The following KCNQ3 variants were observed in gnomAD, a reference collection of about 807,000 sequenced individuals.
KCNQ3 encodes the protein potassium voltage-gated channel subfamily Q member 3.
Under a neutral mutation model 92.5 loss-of-function variants are expected in KCNQ3, and 30 were observed. The observed-to-expected ratio is 0.32, with a 90% confidence interval of 0.24 to 0.44. The LOEUF (loss-of-function observed/expected upper bound fraction) is 0.44. Ranked by LOEUF, KCNQ3 falls within the 20% of genes least tolerant of loss-of-function variation. KCNQ3 has a pLI of 1.00. For synonymous variants in KCNQ3, 450 were observed against 468.8 expected (o/e 0.96, Z 0.52); for missense variants, 913 against 1,140.3 (o/e 0.80, Z 2.87).
rs35942631 is a variant in KCNQ3, at chr8:132,130,074, CTT to C, written c.1885-80_1885-79del. On this transcript the variant is annotated intron_variant, in intron 14 of 14. Transcript: ENST00000388996. ...TTGCTATTGGTTGGGAGGAAATATT[CTT>C]TTTTTTTGTTTTTTTTTTTTTTTTG... 37 of 1,040,354 alleles carry C rather than the reference CTT, an allele frequency of 3.6e-5. 1 individual carries two copies. The highest frequency in any genetic ancestry group is 4.7e-5 in the South Asian group (3 of 64,430). The allele number at this position is 1,040,354 out of a possible 1,614,324, so 64.4% of individuals were successfully genotyped here. A position where few individuals can be genotyped will look rare whatever the true frequency, so the allele number is the denominator to read the frequency against.
chr8:132,150,817 G>T lies in KCNQ3; in HGVS notation c.1263-9486C>A, dbSNP rs1037657533. On this transcript the variant is annotated intron_variant, in intron 9 of 14. Transcript: ENST00000388996. ...GGACTGGGTTTTCTTCTGCCTGTCTGTGTAGTTATATATGTGTTGTGTGTG... is the reference window on the plus strand; with the variant it reads ...GGACTGGGTTTTCTTCTGCCTGTCTTTGTAGTTATATATGTGTTGTGTGTG... Among the ~76,000 whole-genome samples, 5 of 151,988 alleles carry T rather than the reference G, an allele frequency of 3.3e-5. No individual in the cohort carries two copies. In the South Asian group the frequency reaches 8.3e-4, roughly 25 times the overall value.
chr8:132,152,052 C>T (rs1214154939), intron 9 of KCNQ3, among the ~76,000 whole-genome samples: 2 of 152,188 alleles, frequency 1.3e-5, no homozygotes, highest in East Asian at 3.8e-4. Flanking sequence ...ACTCTAACGA[C>T]CCCGGACATT....
intron 12 of KCNQ3, among the ~76,000 whole-genome samples, chr8:132,137,473 C>T (rs910368962): frequency 6.6e-6 from 1 of 152,164 alleles, no homozygotes; most frequent in Admixed American, 6.5e-5. Flanking sequence ...GGCATTGATG[C>T]TATTTCCATA....
intron 9 of KCNQ3, among the ~76,000 whole-genome samples, chr8:132,150,972 CATTAT>C (rs1563774251): frequency 4.6e-5 from 7 of 151,726 alleles, no homozygotes; most frequent in Non-Finnish European, 1.5e-5. Context: ...AAAATAAAAA[CATTAT>C]TGTTGGTTAT....
Position 132,480,334 on chromosome 8 carries a change from G to A in KCNQ3, c.199C>T (p.Leu67=). ...TCGCGGCCGCCGCCCTCCAGCAGCA[G>A]GGTCCCGTCTTTGTCGGCTCCGGCC... The part of the protein sequence containing the change: ...LGAGADKDGT[L]LLEGGGRDEG... The change falls in exon 1 of 15, where the codon CTG becomes TTG. Residue 67 remains leucine (L), a synonymous_variant. Coordinates refer to ENST00000388996, the MANE Select transcript of KCNQ3 (RefSeq NM_004519.4). The A allele has an allele frequency of 6.2e-7, 1 of 1,600,262 alleles. No individual in the cohort carries two copies. The highest frequency in any genetic ancestry group is 8.5e-7 in the Non-Finnish European group (1 of 1,175,514).
chr8:132,231,081 C>A (rs766306588), intron 1 of KCNQ3, among the ~76,000 whole-genome samples: 6 of 152,114 alleles, frequency 3.9e-5, no homozygotes, highest in Admixed American at 6.5e-5. Flanking sequence ...GATGGCCATG[C>A]GACCAGAATG....
intron 8 of KCNQ3, among the ~76,000 whole-genome samples, chr8:132,163,939 T>C (rs1226938780): frequency 1.3e-5 from 2 of 152,184 alleles, no homozygotes; most frequent in Non-Finnish European, 2.9e-5. Context: ...AACAACCCTA[T>C]GAAGTACTAT....
At chr8:132,362,600 G>A (rs1819202307) in intron 1 of KCNQ3, among the ~76,000 whole-genome samples, 1 of 152,190 alleles carries the variant, frequency 6.6e-6, no homozygotes, top group Non-Finnish European at 1.5e-5. Context: ...TCCTGAGTAA[G>A]CCTCAGAAGG....
intron 1 of KCNQ3, among the ~76,000 whole-genome samples, chr8:132,218,690 T>C (rs1283715097): frequency 1.3e-5 from 2 of 152,214 alleles, no homozygotes; most frequent in Admixed American, 1.3e-4. Flanking sequence ...ATGTTTGGAT[T>C]CAAAATCCAG....
chr8:132,472,448 C>A (rs1488345793), intron 1 of KCNQ3, among the ~76,000 whole-genome samples: 1 of 152,164 alleles, frequency 6.6e-6, no homozygotes, highest in African/African-American at 2.4e-5. Flanking sequence ...GAAATCATGT[C>A]ATTTGCAGCA....
intron 1 of KCNQ3, among the ~76,000 whole-genome samples, chr8:132,261,658 C>G (rs1157125830): frequency 1.3e-5 from 2 of 152,194 alleles, no homozygotes; most frequent in Non-Finnish European, 1.5e-5. Context: ...GGAGGAGCAA[C>G]AGCAGAGACA....
At chr8:132,447,926 T>C (rs1228267647) in intron 1 of KCNQ3, among the ~76,000 whole-genome samples, 1 of 152,210 alleles carries the variant, frequency 6.6e-6, no homozygotes, top group East Asian at 1.9e-4. Flanking sequence ...AAATACCATC[T>C]CATATTTGTC....
At chr8:132,333,079 G>A (rs980558542) in intron 1 of KCNQ3, among the ~76,000 whole-genome samples, 3 of 152,182 alleles carry the variant, frequency 2.0e-5, no homozygotes, top group Admixed American at 6.5e-5. Context: ...CAAAGGAAGA[G>A]AGGGGCATCC....
rs77783511 is a variant in KCNQ3 at position 132,319,489 on chromosome 8, C to T, written c.387-133308G>A. On this transcript the variant is annotated intron_variant, in intron 1 of 14. Transcript: ENST00000388996. ...GTGAAATAATAAATCAACACGCAGGCGCCTTTAGAACAAGCCTATGATCAG... is the reference window on the plus strand; with the variant it reads ...GTGAAATAATAAATCAACACGCAGGTGCCTTTAGAACAAGCCTATGATCAG... 6.4e-4 allele frequency among the ~76,000 whole-genome samples: 98 copies of T among 152,254 alleles called. No individual in the cohort carries two copies. The East Asian group carries it at 0.01, about 16-fold the overall frequency.
At chr8:132,406,901 G>A (rs1820499602) in intron 1 of KCNQ3, among the ~76,000 whole-genome samples, 1 of 152,158 alleles carries the variant, frequency 6.6e-6, no homozygotes, top group South Asian at 2.1e-4. Flanking sequence ...AATTTCATGT[G>A]GTGGAAAGAT....
chr8:132,449,456 C>T (rs1821771196), intron 1 of KCNQ3, among the ~76,000 whole-genome samples: 1 of 152,072 alleles, frequency 6.6e-6, no homozygotes. Flanking sequence ...GCCCTCCAAC[C>T]TCCCAGCAGG....
At chr8:132,382,889 C>A (rs1468653239) in intron 1 of KCNQ3, among the ~76,000 whole-genome samples, 2 of 152,156 alleles carry the variant, frequency 1.3e-5, no homozygotes, top group African/African-American at 2.4e-5. Flanking sequence ...AAGTTATTGA[C>A]CTTCTGTGAA....
chr8:132,457,589 C>T (rs554696152), intron 1 of KCNQ3, among the ~76,000 whole-genome samples: 4 of 152,274 alleles, frequency 2.6e-5, no homozygotes, highest in African/African-American at 7.2e-5. Context: ...ACTCTGACAC[C>T]GTTCCATCTT....
intron 1 of KCNQ3, among the ~76,000 whole-genome samples, chr8:132,209,391 C>T (rs1165496943): frequency 2.6e-5 from 4 of 152,074 alleles, no homozygotes; most frequent in Non-Finnish European, 5.9e-5. Context: ...GGTGTCTTGC[C>T]CTCCTTAGGC....
Sources: allele counts gnomAD v4.1 joint callset (sites outside exome capture counted in the v4.1 genomes callset), GRCh38; gene constraint gnomAD v4.1.1; transcripts MANE v1.5; gene names NCBI Gene and HGNC (gene_info 2026-07-23, HGNC 2026-07-21).